The following ZBBX variants were observed in gnomAD, a reference collection of about 807,000 sequenced individuals.
The protein encoded by ZBBX is zinc finger B-box domain containing, also known as zinc finger B-box domain-containing protein 1.
In ZBBX, 101 loss-of-function variants were observed where a neutral mutation model predicts 108.5. That is an observed-to-expected ratio of 0.93 (90% CI 0.79 to 1.10). The LOEUF (loss-of-function observed/expected upper bound fraction) is 1.10. Among genes scored for constraint, ZBBX ranks in the 50% least tolerant of loss-of-function variants. The pLI, the probability that ZBBX is intolerant of heterozygous loss-of-function variation, is 0.00. For synonymous variants in ZBBX, 356 were observed against 323.4 expected, an observed-to-expected ratio of 1.10 and a Z score of -1.08; for missense variants, 1,009 against 941.4, an observed-to-expected ratio of 1.07 and a Z score of -0.94.
intron 9 of ZBBX, among the ~76,000 whole-genome samples, chr3:167,335,937 T>G (rs180807378): frequency 6.6e-6 from 1 of 152,164 alleles, no homozygotes; most frequent in Admixed American, 6.5e-5. Context: ...TCAATGGTAA[T>G]GCTTCACTCT....
rs367569797 is a variant in ZBBX at position 167,360,471 on chromosome 3, C to G, written c.322+204G>C. Among the ~76,000 whole-genome samples the G allele has an allele frequency of 4.1e-4, 62 of 151,910 alleles. 1 individual carries two copies. The South Asian group carries it at 4.6e-3, about 11-fold the overall frequency. On this transcript the variant is annotated intron_variant, in intron 7 of 21. Transcript: ENST00000675490. ...TTTTGAAAAATACTATTACTATAATCATGTACTAAGTTTACATTTTTTGAC... is the reference window on the plus strand; with the variant it reads ...TTTTGAAAAATACTATTACTATAATGATGTACTAAGTTTACATTTTTTGAC...
chr3:167,332,126 T>C (rs1262236541), intron 10 of ZBBX, among the ~76,000 whole-genome samples: 3 of 152,292 alleles, frequency 2.0e-5, no homozygotes, highest in East Asian at 3.9e-4. Flanking sequence ...CCAATTCTTA[T>C]GATGCTTATT....
chr3:167,322,220 C>T lies in ZBBX; in HGVS notation c.880G>A (p.Glu294Lys), dbSNP rs201293949. The T allele has an allele frequency of 6.8e-5, 100 of 1,464,970 alleles. No homozygotes were observed. In the African/African-American group the frequency reaches 1.1e-3, roughly 16 times the overall value. 90.7% of individuals were successfully genotyped at this position (1,464,970 alleles called of 1,614,324 possible). Residue 294 changes from glutamate (E) to lysine (K), a missense_variant, in exon 12 of 22, where the codon GAA becomes AAA. By Grantham distance (56) the Glu-to-Lys change is moderately conservative. Transcript: ENST00000675490. ...CAAATTTTCAGATTAGTCTGTACTT[C>T]GCATTCTTCCAATGAGTCTGTAAAA... ...AAVKDSLEEC[E>K]VQTNLKIWRE... is the part of the protein sequence containing the mutation.
At chr3:167,251,682 A>G (rs1241017062) in intron 20 of ZBBX, among the ~76,000 whole-genome samples, 3 of 152,134 alleles carry the variant, frequency 2.0e-5, no homozygotes, top group Non-Finnish European at 4.4e-5. Flanking sequence ...CATAAATATA[A>G]TATCTCATAT....
the ZBBX span, among the ~76,000 whole-genome samples, chr3:167,207,645 C>G: frequency 6.6e-6 from 1 of 152,156 alleles, no homozygotes; most frequent in East Asian, 1.9e-4. Flanking sequence ...TGAAATAAGC[C>G]AGGCACAGAA....
At chr3:167,383,363 C>T (rs1490305429), upstream of ZBBX, among the ~76,000 whole-genome samples, 1 of 151,964 alleles carries the variant, frequency 6.6e-6, no homozygotes, top group Non-Finnish European at 1.5e-5. Flanking sequence ...CATCCTATTA[C>T]ATATGTATGG....
chr3:167,269,349 A>G (rs1420202176), intron 20 of ZBBX, among the ~76,000 whole-genome samples: 2 of 152,258 alleles, frequency 1.3e-5, no homozygotes, highest in African/African-American at 4.8e-5. Flanking sequence ...AAATTCTAAG[A>G]TTGATTGACT....
At chr3:167,260,874 T>C (rs540767304) in intron 20 of ZBBX, among the ~76,000 whole-genome samples, 3 of 152,282 alleles carry the variant, frequency 2.0e-5, no homozygotes, top group East Asian at 1.9e-4. Flanking sequence ...CTGGTGAGCA[T>C]GTGTGTTTTC....
chr3:167,258,184 T>A (rs992654221), intron 20 of ZBBX, among the ~76,000 whole-genome samples: 12 of 152,132 alleles, frequency 7.9e-5, no homozygotes, highest in African/African-American at 2.9e-4. Context: ...GGAACACTTC[T>A]ACACTGCTGG....
chr3:167,365,433 T>G (rs1380043117), intron 6 of ZBBX, among the ~76,000 whole-genome samples: 1 of 151,728 alleles, frequency 6.6e-6, no homozygotes, highest in African/African-American at 2.4e-5. Context: ...ATTTTTTTCT[T>G]GAGTATCTTT....
At chr3:167,186,261 T>G in the ZBBX span, among the ~76,000 whole-genome samples, 1 of 152,056 alleles carries the variant, frequency 6.6e-6, no homozygotes, top group Non-Finnish European at 1.5e-5. Flanking sequence ...TTATATCCAT[T>G]TGAAGCATGG....
chr3:167,319,436 C>T (rs1026085283), intron 12 of ZBBX, among the ~76,000 whole-genome samples: 1 of 151,980 alleles, frequency 6.6e-6, no homozygotes, highest in Non-Finnish European at 1.5e-5. Flanking sequence ...GGCAGGGGTA[C>T]TGTGGTAGAC....
chr3:167,189,161 T>C, the ZBBX span, among the ~76,000 whole-genome samples: 1 of 151,960 alleles, frequency 6.6e-6, no homozygotes, highest in Non-Finnish European at 1.5e-5. Context: ...TTGCCAAAAA[T>C]TTAACATAAC....
intron 20 of ZBBX, among the ~76,000 whole-genome samples, chr3:167,273,857 T>C (rs73879650): frequency 0.017 from 2,620 of 152,290 alleles, 73 homozygotes; most frequent in African/African-American, 0.059. Flanking sequence ...ACCTGATAGA[T>C]TCAAAGCCTG....
intron 11 of ZBBX, among the ~76,000 whole-genome samples, chr3:167,326,034 C>A (rs1041720272): frequency 6.6e-6 from 1 of 152,062 alleles, no homozygotes; most frequent in Non-Finnish European, 1.5e-5. Context: ...ACCACTGAGG[C>A]AACATTTCTA....
At chr3:167,394,283 G>C (rs952846054) in intron 1 of ZBBX, among the ~76,000 whole-genome samples, 1 of 151,792 alleles carries the variant, frequency 6.6e-6, no homozygotes, top group Non-Finnish European at 1.5e-5. Context: ...TCTTTACAAA[G>C]CTAATGGCTA....
chr3:167,400,058 G>C (rs568342053), intron 1 of ZBBX, among the ~76,000 whole-genome samples: 3 of 152,150 alleles, frequency 2.0e-5, no homozygotes, highest in Non-Finnish European at 4.4e-5. Context: ...TGGCCGCATA[G>C]TATTCCGTAG....
intron 18 of ZBBX, among the ~76,000 whole-genome samples, chr3:167,297,172 G>A (rs989073313): frequency 6.6e-6 from 1 of 151,910 alleles, no homozygotes; most frequent in Non-Finnish European, 1.5e-5. Context: ...GCTAAATCAA[G>A]TTAATTAACA....
the ZBBX span, among the ~76,000 whole-genome samples, chr3:167,211,264 A>G: frequency 6.6e-6 from 1 of 152,140 alleles, no homozygotes; most frequent in Non-Finnish European, 1.5e-5. Flanking sequence ...TCTCCTTGTG[A>G]ACCCACTCGC....
Sources: gnomAD v4.1 joint callset for allele counts (sites outside exome capture counted in the v4.1 genomes callset) on GRCh38, gnomAD v4.1.1 for gene constraint, MANE v1.5 for transcripts, NCBI Gene and HGNC (gene_info 2026-07-23, HGNC 2026-07-21) for gene names.